The following CDH12 variants were observed in gnomAD, a reference collection of about 807,000 sequenced individuals.
CDH12 encodes cadherin 12.
In CDH12, 41 loss-of-function variants were observed where a neutral mutation model predicts 74.1. The observed-to-expected ratio is 0.55, with a 90% CI of 0.43 to 0.72. The LOEUF (loss-of-function observed/expected upper bound fraction) is 0.72. Among genes scored for constraint, CDH12 ranks in the 30% least tolerant of loss-of-function variants. CDH12 has a pLI of 0.00. For missense variants in CDH12, 945 were observed against 977.2 expected (o/e 0.97, Z 0.44); for synonymous variants, 399 against 355.0 (o/e 1.12, Z -1.39).
chr5:21,963,948 A>ATT (rs568537261), intron 6 of CDH12, among the ~76,000 whole-genome samples: 181 of 152,182 alleles, frequency 1.2e-3, no homozygotes, highest in African/African-American at 4.2e-3. Flanking sequence ...GGTAACTGAT[A>ATT]TTTCTTAAAA....
At chr5:22,716,702 T>C (rs1055306440) in intron 1 of CDH12, among the ~76,000 whole-genome samples, 4 of 152,108 alleles carry the variant, frequency 2.6e-5, no homozygotes, top group South Asian at 2.1e-4. Context: ...GACAGCTTTA[T>C]TGGCCCTGAA....
At chr5:22,596,846 A>G (rs895301278) in intron 1 of CDH12, among the ~76,000 whole-genome samples, 4 of 152,128 alleles carry the variant, frequency 2.6e-5, no homozygotes, top group African/African-American at 4.8e-5. Context: ...TATATCTTCC[A>G]CCAGAACTGT....
At chr5:21,860,938 A>C (rs1037821448) in intron 6 of CDH12, among the ~76,000 whole-genome samples, 2 of 152,014 alleles carry the variant, frequency 1.3e-5, no homozygotes, top group Non-Finnish European at 2.9e-5. Flanking sequence ...ACCCCCCTTC[A>C]TACATACATC....
At chr5:22,040,958 C>T (rs1374858298) in intron 5 of CDH12, among the ~76,000 whole-genome samples, 4 of 152,040 alleles carry the variant, frequency 2.6e-5, no homozygotes, top group Admixed American at 6.5e-5. Context: ...TACATACACA[C>T]ACACTATTAT....
intron 3 of CDH12, among the ~76,000 whole-genome samples, chr5:22,326,516 T>C (rs1056488261): frequency 1.3e-5 from 2 of 152,210 alleles, no homozygotes; most frequent in African/African-American, 4.8e-5. Context: ...ATTACAGGCG[T>C]GAGCCACCGC....
At chr5:22,398,421 C>T (rs1437600974) in intron 3 of CDH12, among the ~76,000 whole-genome samples, 6 of 152,086 alleles carry the variant, frequency 3.9e-5, no homozygotes, top group African/African-American at 7.2e-5. Context: ...AGGAATAACA[C>T]AAATAAGAGA....
At chr5:22,641,335 G>C (rs748342655) in intron 1 of CDH12, among the ~76,000 whole-genome samples, 1 of 152,100 alleles carries the variant, frequency 6.6e-6, no homozygotes, top group Admixed American at 6.6e-5. Context: ...TCTGACATCC[G>C]AGGATGGAGA....
intron 4 of CDH12, among the ~76,000 whole-genome samples, chr5:22,096,027 G>A (rs1332535030): frequency 6.6e-6 from 1 of 151,270 alleles, no homozygotes; most frequent in Non-Finnish European, 1.5e-5. Flanking sequence ...TGGAGGGTAA[G>A]AACCCCCAAA....
chr5:22,311,724 A>G (rs1427685150), intron 3 of CDH12, among the ~76,000 whole-genome samples: 3 of 138,208 alleles, frequency 2.2e-5, no homozygotes, highest in Non-Finnish European at 4.7e-5. Context: ...AAAAAAAAAA[A>G]TTGCCTCTGG....
intron 3 of CDH12, among the ~76,000 whole-genome samples, chr5:22,403,364 A>C (rs1911960): frequency 0.12 from 18,545 of 152,206 alleles, 1,221 homozygotes; most frequent in South Asian, 0.19. Context: ...CTTTTGCACC[A>C]AAGGAGTCTG....
chr5:22,435,941 C>G (rs1447573917), intron 2 of CDH12, among the ~76,000 whole-genome samples: 1 of 151,828 alleles, frequency 6.6e-6, no homozygotes, highest in Non-Finnish European at 1.5e-5. Context: ...CCCCACCCAT[C>G]ATGGTGTCTT....
intron 1 of CDH12, among the ~76,000 whole-genome samples, chr5:22,785,765 G>A (rs1339503982): frequency 2.6e-5 from 4 of 152,008 alleles, no homozygotes; most frequent in Admixed American, 1.3e-4. Context: ...AAATCTACTC[G>A]TCTCAGCCTC....
At position 21,793,765 on chromosome 5, in the gene CDH12, C is replaced by T. The variant is rs995139622; in HGVS notation, c.1256+8402G>A. Reference sequence around the variant, plus strand: ...ATTAGTCTACTGTTTAGCTAATTTGCGCTCTGAAAGTTACTCATATTCCCT... The same window carrying T: ...ATTAGTCTACTGTTTAGCTAATTTGTGCTCTGAAAGTTACTCATATTCCCT... On this transcript the variant is annotated intron_variant, in intron 10 of 14. Coordinates refer to ENST00000382254, the MANE Select transcript of CDH12 (RefSeq NM_004061.5). Among the ~76,000 whole-genome samples the T allele has an allele frequency of 5.9e-5, 9 of 151,618 alleles. No individual in the cohort carries two copies. In the South Asian group the frequency reaches 6.2e-4, roughly 10 times the overall value.
chr5:22,358,339 C>T (rs1001896655), intron 3 of CDH12, among the ~76,000 whole-genome samples: 5 of 151,518 alleles, frequency 3.3e-5, no homozygotes, highest in East Asian at 1.9e-4. Flanking sequence ...AACCCGGAGG[C>T]GGAGGTTGCA....
chr5:22,479,937 C>T (rs1367655408), intron 2 of CDH12, among the ~76,000 whole-genome samples: 2 of 151,982 alleles, frequency 1.3e-5, no homozygotes, highest in Non-Finnish European at 2.9e-5. Flanking sequence ...CCCCAGCCCC[C>T]CAAAATTAAG....
chr5:22,211,559 G>T (rs189329427), intron 4 of CDH12, among the ~76,000 whole-genome samples: 174 of 151,794 alleles, frequency 1.1e-3, no homozygotes, highest in African/African-American at 4.0e-3. Flanking sequence ...AGGTAGAAAA[G>T]AAAAAGTTCA....
chr5:22,834,696 A>G (rs747271636), intron 1 of CDH12, among the ~76,000 whole-genome samples: 1 of 152,170 alleles, frequency 6.6e-6, no homozygotes, highest in Non-Finnish European at 1.5e-5. Context: ...TGTACTTACA[A>G]CATCAATTAT....
chr5:22,559,243 T>C (rs890128984), intron 1 of CDH12, among the ~76,000 whole-genome samples: 3 of 152,010 alleles, frequency 2.0e-5, no homozygotes, highest in Non-Finnish European at 4.4e-5. Flanking sequence ...TACAGGAATC[T>C]CAATAAAATG....
chr5:22,332,198 ACCT>A (rs761103890), intron 3 of CDH12, among the ~76,000 whole-genome samples: 6 of 152,172 alleles, frequency 3.9e-5, no homozygotes, highest in Non-Finnish European at 8.8e-5. Flanking sequence ...AAATAAGGCT[ACCT>A]CAAGGCATTT....
Sources: gnomAD v4.1 joint callset for allele counts (sites outside exome capture counted in the v4.1 genomes callset) on GRCh38, gnomAD v4.1.1 for gene constraint, MANE v1.5 for transcripts, NCBI Gene and HGNC (gene_info 2026-07-23, HGNC 2026-07-21) for gene names.